TBCE: variants seen among roughly 807,000 people sequenced by gnomAD.
The protein encoded by TBCE is tubulin-specific chaperone E.
A neutral mutation model predicts 77.0 loss-of-function variants in TBCE; 53 were observed. The ratio of observed to expected loss-of-function variants is 0.69; its 90% CI spans 0.55 to 0.87. The LOEUF (loss-of-function observed/expected upper bound fraction) is 0.87, where lower values mean the gene tolerates loss of function less well. TBCE is among the 40% of genes least tolerant of loss of function. The probability of loss-of-function intolerance (pLI) is 0.00; values close to 1 mark genes in which losing one functional copy is unlikely to be tolerated. For synonymous variants in TBCE, 235 were observed against 241.3 expected, an observed-to-expected ratio of 0.97 and a Z score of 0.24; for missense variants, 624 against 622.4, an observed-to-expected ratio of 1.00 and a Z score of -0.03.
chr1:235,383,203 G>A (rs1390699228), intron 2 of TBCE, among the ~76,000 whole-genome samples: 1 of 150,018 alleles, frequency 6.7e-6, no homozygotes, highest in Non-Finnish European at 1.5e-5. Flanking sequence ...GTACCATGCT[G>A]TTTTGGTTAC....
chr1:235,399,077 C>G (rs760054472), intron 2 of TBCE, among the ~76,000 whole-genome samples: 4 of 152,128 alleles, frequency 2.6e-5, no homozygotes, highest in Non-Finnish European at 5.9e-5. Context: ...CCTCAGCCTT[C>G]TGGGTAGCTG....
At position 235,438,899 on chromosome 1, in the gene TBCE, C is replaced by A; in HGVS notation, c.1247C>A (p.Pro416His). 1 of 1,614,120 alleles carries A rather than the reference C, an allele frequency of 6.2e-7. No individual in the cohort carries two copies. Among genetic ancestry groups the A allele is most frequent in the Non-Finnish European group, 8.5e-7 (1 of 1,180,038 alleles). Reference protein sequence around the residue: ...RLSEEFLTAHPRYQFLCLKYG... With the variant: ...RLSEEFLTAHHRYQFLCLKYG... ...AGCGAAGAATTCCTCACAGCCCATC[C>A]CAGATACCAGTTCCTCTGCCTGAGT... Residue 416 changes from proline (P) to histidine (H), a missense_variant, in exon 13 of 17, where the codon CCC becomes CAC. Physicochemically the swap from Pro to His is moderately conservative, Grantham distance 77 (BLOSUM62 -2). Transcript: ENST00000642610.
intron 1 of TBCE, among the ~76,000 whole-genome samples, chr1:235,377,784 T>C (rs1041218482): frequency 2.0e-5 from 3 of 151,930 alleles, no homozygotes; most frequent in African/African-American, 7.3e-5. Flanking sequence ...CCTGAGTAGC[T>C]GGGATTACAG....
chr1:235,433,271 A>AG, intron 7 of TBCE: 1 of 948,964 alleles, frequency 1.1e-6, no homozygotes, highest in Non-Finnish European at 1.4e-6. Flanking sequence ...CCTAGGCTGG[A>AG]GTGCAGTGGT....
Position 235,451,663 on chromosome 1 carries a change from G to A in TBCE, c.*2901G>A, listed in dbSNP as rs1449023048. 1 of 152,176 alleles carries A rather than the reference G, an allele frequency of 6.6e-6. No homozygotes were observed. Among genetic ancestry groups the A allele is most frequent in the Admixed American group, 6.5e-5 (1 of 15,276 alleles). 9.4% of individuals were successfully genotyped at this position (152,176 alleles called of 1,614,324 possible). On this transcript the variant is annotated 3_prime_UTR_variant, in exon 17 of 17. Coordinates refer to ENST00000642610, the MANE Select transcript of TBCE (RefSeq NM_003193.5). ...TCAGACTATCAAAGTGGACCATGTA[G>A]ATGTGGGTTGATTTCTTGTCCTGGA...
At position 235,419,456 on chromosome 1, in the gene TBCE, C is replaced by T; in HGVS notation, c.372-17C>T. On this transcript the variant is annotated splice_polypyrimidine_tract_variant and intron_variant, in intron 4 of 16. Transcript: ENST00000642610. ...ATACGTGCTTATGTATCCATGTGAA[C>T]TCTGTTTTTCATGCAGTCAGCTGAG... The T allele has an allele frequency of 1.9e-6, 3 of 1,613,970 alleles. No homozygotes were observed. The highest frequency in any genetic ancestry group is 2.5e-6 in the Non-Finnish European group (3 of 1,180,008).
At chr1:235,439,227 C>T (rs905960430) in intron 13 of TBCE, among the ~76,000 whole-genome samples, 2 of 151,480 alleles carry the variant, frequency 1.3e-5, no homozygotes, top group African/African-American at 2.4e-5. Context: ...CGCGGTGGCT[C>T]AGGCCTGTAA....
intron 5 of TBCE, among the ~76,000 whole-genome samples, chr1:235,425,985 C>T (rs954830662): frequency 1.3e-5 from 2 of 152,178 alleles, no homozygotes; most frequent in Admixed American, 6.6e-5. Flanking sequence ...GCCCCTGTGT[C>T]GTGATCGTCT....
intron 5 of TBCE, among the ~76,000 whole-genome samples, chr1:235,423,025 C>T (rs1384849202): frequency 6.6e-6 from 1 of 152,204 alleles, no homozygotes; most frequent in Non-Finnish European, 1.5e-5. Context: ...TTTGCAGATA[C>T]AGTGATAAAT....
chr1:235,440,196 T>G (rs1681771080), intron 13 of TBCE, among the ~76,000 whole-genome samples: 2 of 152,124 alleles, frequency 1.3e-5, no homozygotes, highest in East Asian at 3.9e-4. Flanking sequence ...GGTCTCGATC[T>G]CCTGACCTTG....
chr1:235,374,064 C>G (rs1375502190), intron 1 of TBCE, among the ~76,000 whole-genome samples: 1 of 146,214 alleles, frequency 6.8e-6, no homozygotes, highest in East Asian at 1.9e-4. Flanking sequence ...GCCTCCGCCT[C>G]TTGGGTTCAA....
At chr1:235,448,220 CAAAAA>C (rs59405398) in intron 15 of TBCE, 124 bp from the exon 16 acceptor site, 189 of 530,098 alleles carry the variant, frequency 3.6e-4, no homozygotes, top group Admixed American at 6.3e-4. Context: ...AAGTCAGTCT[CAAAAA>C]AAAAAAAAAA....
chr1:235,448,318 G>T, intron 15 of TBCE, 31 bp from the exon 16 acceptor site: 1 of 1,595,240 alleles, frequency 6.3e-7, no homozygotes, highest in South Asian at 1.1e-5. Flanking sequence ...TCATTTGAGA[G>T]AACGAATGGA....
chr1:235,447,330 C>T (rs1397100464), intron 15 of TBCE, among the ~76,000 whole-genome samples: 1 of 152,180 alleles, frequency 6.6e-6, no homozygotes, highest in African/African-American at 2.4e-5. Context: ...TTTGTAGGAA[C>T]ACCACACTAT....
rs1396407232 is a variant in TBCE at position 235,451,275 on chromosome 1, C to T, written c.*2513C>T. On this transcript the variant is annotated 3_prime_UTR_variant, in exon 17 of 17. Coordinates refer to ENST00000642610, the MANE Select transcript of TBCE (RefSeq NM_003193.5). ...GAGTCTCTCTCCCCTCAGTGCCTAC[C>T]CACAGCTTGCACTTAGGTAGGTCTG... The T allele has an allele frequency of 6.6e-6, 1 of 152,110 alleles. No homozygotes were observed. The highest frequency in any genetic ancestry group is 1.9e-4 in the East Asian group (1 of 5,182). 9.4% of individuals were successfully genotyped at this position (152,110 alleles called of 1,614,324 possible).
intron 13 of TBCE, among the ~76,000 whole-genome samples, chr1:235,440,331 C>T (rs1049491533): frequency 1.3e-5 from 2 of 152,012 alleles, no homozygotes; most frequent in East Asian, 1.9e-4. Flanking sequence ...TTTCAGGTGG[C>T]GCACCATGCT....
At chr1:235,385,145 C>G (rs973623317) in intron 2 of TBCE, among the ~76,000 whole-genome samples, 8 of 152,104 alleles carry the variant, frequency 5.3e-5, no homozygotes, top group African/African-American at 1.9e-4. Context: ...GTTTCTTAAT[C>G]CTGAATTCTA....
At position 235,441,795 on chromosome 1, in the gene TBCE, C is replaced by A; in HGVS notation, c.1271-19C>A. ...GTGGCCTTTGGTTTATCATTCATCT[C>A]TTTTGCTTTCTTAAACAGAATATGG... On this transcript the variant is annotated intron_variant, in intron 13 of 16. Coordinates refer to ENST00000642610, the MANE Select transcript of TBCE (RefSeq NM_003193.5). 3.7e-6 allele frequency: 6 copies of A among 1,612,416 alleles called. No homozygotes were observed. Among genetic ancestry groups the A allele is most frequent in the Non-Finnish European group, 4.2e-6 (5 of 1,178,644 alleles).
chr1:235,377,656 CT>C (rs11449267), intron 1 of TBCE, among the ~76,000 whole-genome samples: 43 of 145,578 alleles, frequency 3.0e-4, no homozygotes, highest in Non-Finnish European at 2.7e-4. Flanking sequence ...TCTACCTATT[CT>C]TTTTTTTTTT....
Sources: gnomAD v4.1 joint callset for allele counts (sites outside exome capture counted in the v4.1 genomes callset) on GRCh38, gnomAD v4.1.1 for gene constraint, MANE v1.5 for transcripts, NCBI Gene and HGNC (gene_info 2026-07-23, HGNC 2026-07-21) for gene names.